EFNA5: variants seen among roughly 807,000 people sequenced by gnomAD.
EFNA5 encodes the protein ephrin-A5.
In EFNA5, 5 loss-of-function variants were observed where a neutral mutation model predicts 22.9. The observed-to-expected ratio is 0.22, with a 90% CI of 0.11 to 0.46. The LOEUF (loss-of-function observed/expected upper bound fraction) is 0.46. EFNA5 is among the 20% of genes least tolerant of loss of function. The probability of loss-of-function intolerance (pLI) is 0.99; values close to 1 mark genes in which losing one functional copy is unlikely to be tolerated. For missense variants in EFNA5, 237 were observed against 293.3 expected, an observed-to-expected ratio of 0.81 and a Z score of 1.40; for synonymous variants, 113 against 112.2, an observed-to-expected ratio of 1.01 and a Z score of -0.04.
At chr5:107,637,508 G>GTGTGTGTC (rs1212652832) in intron 1 of EFNA5, among the ~76,000 whole-genome samples, 12 of 151,032 alleles carry the variant, frequency 7.9e-5, no homozygotes, top group Admixed American at 4.0e-4. Flanking sequence ...GTGTGTGTGT[G>GTGTGTGTC]TGTGTGTGTC....
At chr5:107,557,790 G>A (rs758151112) in intron 1 of EFNA5, among the ~76,000 whole-genome samples, 3 of 152,172 alleles carry the variant, frequency 2.0e-5, no homozygotes, top group Admixed American at 2.0e-4. Context: ...CATGTGTTTA[G>A]AAGCGTTTTT....
chr5:107,668,704 T>C (rs1742420109), intron 1 of EFNA5, among the ~76,000 whole-genome samples: 2 of 152,100 alleles, frequency 1.3e-5, no homozygotes, highest in Admixed American at 6.5e-5. Flanking sequence ...GAGATACAAA[T>C]TTCTGCTTCG....
intron 1 of EFNA5, among the ~76,000 whole-genome samples, chr5:107,602,172 G>A (rs762329532): frequency 3.1e-4 from 47 of 152,230 alleles, no homozygotes; most frequent in Non-Finnish European, 5.0e-4. Flanking sequence ...TTTCATATGA[G>A]GAGCTGTTTT....
intron 1 of EFNA5, among the ~76,000 whole-genome samples, chr5:107,596,004 A>G (rs904465868): frequency 5.3e-5 from 8 of 152,208 alleles, no homozygotes; most frequent in African/African-American, 1.9e-4. Flanking sequence ...TGCCTCAGAA[A>G]AAAATATTCC....
intron 1 of EFNA5, among the ~76,000 whole-genome samples, chr5:107,503,187 G>C (rs1273698933): frequency 1.3e-5 from 2 of 152,150 alleles, no homozygotes; most frequent in Non-Finnish European, 2.9e-5. Flanking sequence ...ATGCAGGATC[G>C]TTTCCCCTCA....
chr5:107,653,140 C>T (rs1012067800), intron 1 of EFNA5, among the ~76,000 whole-genome samples: 1 of 152,136 alleles, frequency 6.6e-6, no homozygotes, highest in Non-Finnish European at 1.5e-5. Flanking sequence ...CTTTTACTTT[C>T]TTCCAAGTTC....
At position 107,590,054 on chromosome 5, in the gene EFNA5, T is replaced by C. The variant is rs118137326; in HGVS notation, c.125+80435A>G. Among the ~76,000 whole-genome samples, 398 of 151,912 alleles carry C rather than the reference T, an allele frequency of 2.6e-3. 3 individuals are homozygous for C. In the East Asian group the frequency reaches 0.036, roughly 14 times the overall value. ...AGCCATTTGTCTTCCATGACTCTCA[T>C]TGGAGACGGTGATTTGGATAGACAA... On this transcript the variant is annotated intron_variant, in intron 1 of 4. Coordinates refer to ENST00000333274, the MANE Select transcript of EFNA5 (RefSeq NM_001962.3).
intron 1 of EFNA5, among the ~76,000 whole-genome samples, chr5:107,648,726 G>A (rs1196607497): frequency 8.6e-5 from 13 of 151,944 alleles, no homozygotes; most frequent in Non-Finnish European, 1.3e-4. Context: ...TTTTATTACT[G>A]ACTAATTGTA....
intron 1 of EFNA5, among the ~76,000 whole-genome samples, chr5:107,494,624 G>A (rs983488907): frequency 2.5e-4 from 38 of 152,242 alleles, no homozygotes; most frequent in Admixed American, 2.4e-3. Context: ...CTGCAGCCCC[G>A]TTGGGGGATC....
chr5:107,636,137 C>T (rs1185716919), intron 1 of EFNA5, among the ~76,000 whole-genome samples: 3 of 152,120 alleles, frequency 2.0e-5, no homozygotes, highest in African/African-American at 7.2e-5. Flanking sequence ...AATAAAACTA[C>T]CATGAAAACA....
chr5:107,461,140 T>C (rs928470020), intron 1 of EFNA5, among the ~76,000 whole-genome samples: 2 of 152,138 alleles, frequency 1.3e-5, no homozygotes, highest in African/African-American at 2.4e-5. Context: ...TGACCCCTCC[T>C]ATCTCTTCTA....
At position 107,660,285 on chromosome 5, in the gene EFNA5, T is replaced by TATATATATATATAA. The variant is rs1561462904; in HGVS notation, c.125+10203_125+10204insTTATATATATATAT. 2.2e-4 allele frequency among the ~76,000 whole-genome samples: 22 copies of TATATATATATATAA among 98,322 alleles called. 1 individual carries two copies. Among genetic ancestry groups the TATATATATATATAA allele is most frequent in the South Asian group, 9.7e-4 (3 of 3,080 alleles). 64.5% of individuals were successfully genotyped at this position (98,322 alleles called of 152,430 possible). A position where few individuals can be genotyped will look rare whatever the true frequency, so the allele number is the denominator to read the frequency against. ...ACATATATATATATATATATATATATATATATATATATATATATATATATA... is the reference window on the plus strand; with the variant it reads ...ACATATATATATATATATATATATATATATATATATATAAATATATATATATATATATATATATA... On this transcript the variant is annotated intron_variant, in intron 1 of 4. Transcript: ENST00000333274.
chr5:107,377,941 A>G lies in EFNA5; in HGVS notation c.*3314T>C, dbSNP rs1469045882. 6.6e-6 allele frequency: 1 copy of G among 152,148 alleles called. No individual in the cohort carries two copies. Among genetic ancestry groups the G allele is most frequent in the Non-Finnish European group, 1.5e-5 (1 of 68,028 alleles). The allele number at this position is 152,148 out of a possible 1,614,324, so 9.4% of individuals were successfully genotyped here. A position where few individuals can be genotyped will look rare whatever the true frequency, so the allele number is the denominator to read the frequency against. On this transcript the variant is annotated 3_prime_UTR_variant, in exon 5 of 5. Transcript: ENST00000333274. ...AAGTCATGTTGTTCCAGGTCCCAAG[A>G]TGATGGAGTCATAAGATTGGGTGGG... is the stretch of plus-strand genomic sequence containing the variant.
At chr5:107,569,559 T>TTATATATATATATATATATA (rs70996962) in intron 1 of EFNA5, among the ~76,000 whole-genome samples, 15 of 42,480 alleles carry the variant, frequency 3.5e-4, no homozygotes, top group East Asian at 6.0e-4. Flanking sequence ...ATATATATAT[T>TTATATATATATATATATATA]TATATATATA....
intron 1 of EFNA5, among the ~76,000 whole-genome samples, chr5:107,522,179 T>C (rs528515312): frequency 1.3e-5 from 2 of 152,358 alleles, no homozygotes; most frequent in East Asian, 3.9e-4. Flanking sequence ...ACTTTTTATA[T>C]GAATTTGTAC....
intron 1 of EFNA5, among the ~76,000 whole-genome samples, chr5:107,512,671 A>G (rs1747396110): frequency 6.6e-6 from 1 of 152,036 alleles, no homozygotes; most frequent in South Asian, 2.1e-4. Context: ...CGAGAACTTA[A>G]CTCCAAGATG....
At chr5:107,481,698 A>G (rs1293768642) in intron 1 of EFNA5, among the ~76,000 whole-genome samples, 1 of 152,014 alleles carries the variant, frequency 6.6e-6, no homozygotes, top group Non-Finnish European at 1.5e-5. Flanking sequence ...AAGATAACAC[A>G]AATTAGTTGG....
intron 1 of EFNA5, among the ~76,000 whole-genome samples, chr5:107,494,235 G>A (rs1746899026): frequency 6.6e-6 from 1 of 152,134 alleles, no homozygotes; most frequent in South Asian, 2.1e-4. Context: ...TCAGCTTGCA[G>A]GGAGGTGTGG....
At chr5:107,459,483 T>TC (rs905129546) in intron 1 of EFNA5, among the ~76,000 whole-genome samples, 4 of 152,036 alleles carry the variant, frequency 2.6e-5, no homozygotes, top group African/African-American at 9.7e-5. Flanking sequence ...TATCCTATGT[T>TC]CATGTTTTAT....
Sources: allele counts gnomAD v4.1 joint callset (sites outside exome capture counted in the v4.1 genomes callset), GRCh38; gene constraint gnomAD v4.1.1; transcripts MANE v1.5; gene names NCBI Gene and HGNC (gene_info 2026-07-23, HGNC 2026-07-21).